The following KLF12 variants were observed in gnomAD, a reference collection of about 807,000 sequenced individuals.
The protein encoded by KLF12 is Krueppel-like factor 12.
In KLF12, 9 loss-of-function variants were observed where a neutral mutation model predicts 37.8. The observed-to-expected ratio is 0.24, with a 90% confidence interval of 0.14 to 0.42. The LOEUF (loss-of-function observed/expected upper bound fraction) is 0.42, where lower values mean the gene tolerates loss of function less well. Ranked by LOEUF, KLF12 falls within the 10% of genes least tolerant of loss-of-function variation. The pLI, the probability that KLF12 is intolerant of heterozygous loss-of-function variation, is 1.00. For synonymous variants in KLF12, 208 were observed against 202.1 expected (o/e 1.03, Z -0.25); for missense variants, 411 against 516.0 (o/e 0.80, Z 1.97).
Position 74,077,887 on chromosome 13 carries a change from G to A in KLF12, c.-32+55852C>T, listed in dbSNP as rs531669253. Among the ~76,000 whole-genome samples, 190 of 152,250 alleles carry A rather than the reference G, an allele frequency of 1.2e-3. 1 individual carries two copies. Among genetic ancestry groups the A allele is most frequent in the Non-Finnish European group, 1.4e-3 (93 of 68,010 alleles). On this transcript the variant is annotated intron_variant, in intron 1 of 7. Coordinates refer to ENST00000377669, the MANE Select transcript of KLF12 (RefSeq NM_007249.5). Reference sequence around the variant, plus strand: ...TGTCTATGTATTTTCTCATCTATAAGAGGGAGATGTGTTTGTCTTTTAAGA... The same window carrying A: ...TGTCTATGTATTTTCTCATCTATAAAAGGGAGATGTGTTTGTCTTTTAAGA...
intron 4 of KLF12, among the ~76,000 whole-genome samples, chr13:73,813,888 T>C (rs1327230083): frequency 6.6e-6 from 1 of 152,222 alleles, no homozygotes; most frequent in East Asian, 1.9e-4. Context: ...CTTGTTTATA[T>C]GTGCTAACAG....
intron 5 of KLF12, chr13:73,812,920 AAAAGATGCACATAGGTCTT>A (rs905479669): frequency 4.4e-6 from 2 of 451,912 alleles, no homozygotes; most frequent in African/African-American, 3.9e-5. Context: ...GAGGTATTAG[AAAAGATGCACATAGGTCTT>A]ATATCTCATC....
At chr13:73,887,843 A>T (rs1401772699) in intron 3 of KLF12, among the ~76,000 whole-genome samples, 1 of 152,186 alleles carries the variant, frequency 6.6e-6, no homozygotes, top group African/African-American at 2.4e-5. Flanking sequence ...TTAAAAAATG[A>T]TTTCTGAAAA....
chr13:74,270,023 A>C, the KLF12 span, among the ~76,000 whole-genome samples: 1 of 152,198 alleles, frequency 6.6e-6, no homozygotes, highest in African/African-American at 2.4e-5. Flanking sequence ...ATTCCAGTGG[A>C]GAGGTCTTAA....
chr13:74,275,878 C>CTTTCTTTCTTTCT, the KLF12 span, among the ~76,000 whole-genome samples: 2 of 52,970 alleles, frequency 3.8e-5, no homozygotes, highest in African/African-American at 1.3e-4. Flanking sequence ...ATCTTTCTTT[C>CTTTCTTTCTTTCT]TTCTTTCTTT....
At chr13:73,914,884 G>C (rs894857074) in intron 3 of KLF12, among the ~76,000 whole-genome samples, 4 of 151,988 alleles carry the variant, frequency 2.6e-5, no homozygotes, top group African/African-American at 9.7e-5. Flanking sequence ...ATTCCCAAAA[G>C]TAAGTTTTCC....
the KLF12 span, among the ~76,000 whole-genome samples, chr13:74,186,646 C>T: frequency 6.6e-6 from 1 of 152,164 alleles, no homozygotes; most frequent in East Asian, 1.9e-4. Flanking sequence ...TTTCCTCCAA[C>T]CCTTCCATTT....
intron 3 of KLF12, among the ~76,000 whole-genome samples, chr13:73,885,216 C>T (rs1887166980): frequency 6.6e-6 from 1 of 152,182 alleles, no homozygotes; most frequent in Admixed American, 6.5e-5. Context: ...TAATTTCTCA[C>T]CTCTGCAAAA....
chr13:74,250,261 T>A, the KLF12 span, among the ~76,000 whole-genome samples: 3 of 152,226 alleles, frequency 2.0e-5, no homozygotes, highest in Non-Finnish European at 2.9e-5. Context: ...GCTATGTGCT[T>A]GAAGAAAAGG....
the KLF12 span, among the ~76,000 whole-genome samples, chr13:74,142,434 G>C: frequency 6.6e-6 from 1 of 152,222 alleles, no homozygotes; most frequent in Non-Finnish European, 1.5e-5. Flanking sequence ...ACTTGATTCT[G>C]TGACCTTTGA....
At chr13:73,806,898 A>T (rs1882667108) in intron 5 of KLF12, among the ~76,000 whole-genome samples, 1 of 152,116 alleles carries the variant, frequency 6.6e-6, no homozygotes, top group South Asian at 2.1e-4. Flanking sequence ...ACCATCATAC[A>T]TGAGGAGATT....
chr13:74,250,192 G>T, the KLF12 span, among the ~76,000 whole-genome samples: 1 of 152,152 alleles, frequency 6.6e-6, no homozygotes, highest in African/African-American at 2.4e-5. Context: ...GAGGAATTCA[G>T]GGTGGGAGTA....
intron 1 of KLF12, among the ~76,000 whole-genome samples, chr13:74,080,763 T>A (rs9543521): frequency 0.41 from 63,013 of 152,102 alleles, 14,160 homozygotes; most frequent in East Asian, 0.81. Flanking sequence ...TGTTTAAGAC[T>A]GTTTATAGGT....
intron 1 of KLF12, among the ~76,000 whole-genome samples, chr13:74,027,923 C>T (rs1379396164): frequency 1.3e-5 from 2 of 152,104 alleles, no homozygotes; most frequent in Non-Finnish European, 2.9e-5. Context: ...ATCACGATTA[C>T]CCACTTTAAT....
chr13:73,785,118 ATT>A (rs202165551), intron 5 of KLF12, among the ~76,000 whole-genome samples: 3,164 of 145,860 alleles, frequency 0.022, 96 homozygotes, highest in African/African-American at 0.072. Context: ...TAATTATCTA[ATT>A]TTTTTTTTTT....
intron 1 of KLF12, among the ~76,000 whole-genome samples, chr13:74,071,522 TAAAAAA>T (rs5804716): frequency 6.7e-6 from 1 of 149,004 alleles, no homozygotes; most frequent in Non-Finnish European, 1.5e-5. Flanking sequence ...CCGTCTCTAC[TAAAAAA>T]AAAAATACAA....
chr13:73,758,847 T>C (rs989367178), intron 6 of KLF12, among the ~76,000 whole-genome samples: 1 of 152,176 alleles, frequency 6.6e-6, no homozygotes, highest in Non-Finnish European at 1.5e-5. Flanking sequence ...ACTTTTATCA[T>C]GAATCTCTCT....
chr13:73,836,832 ATACTT>A (rs1281545401), intron 4 of KLF12, among the ~76,000 whole-genome samples: 1 of 152,228 alleles, frequency 6.6e-6, no homozygotes, highest in East Asian at 1.9e-4. Context: ...TTACATTAGA[ATACTT>A]TACCAGTAAA....
chr13:73,892,896 A>T (rs1887579170), intron 3 of KLF12, among the ~76,000 whole-genome samples: 1 of 152,194 alleles, frequency 6.6e-6, no homozygotes, highest in Non-Finnish European at 1.5e-5. Flanking sequence ...TAACTTACTT[A>T]AAATTTTTCT....
Sources: allele counts gnomAD v4.1 joint callset (sites outside exome capture counted in the v4.1 genomes callset), GRCh38; gene constraint gnomAD v4.1.1; transcripts MANE v1.5; gene names NCBI Gene and HGNC (gene_info 2026-07-23, HGNC 2026-07-21).